MIA3: variants seen among roughly 807,000 people sequenced by gnomAD.
MIA3 encodes transport and Golgi organization protein 1 homolog.
In MIA3, 90 loss-of-function variants were observed where a neutral mutation model predicts 192.4. The observed-to-expected ratio is 0.47, with a 90% CI of 0.39 to 0.56. The LOEUF (loss-of-function observed/expected upper bound fraction) is 0.56, where lower values mean the gene tolerates loss of function less well. Ranked by LOEUF, MIA3 falls within the 20% of genes least tolerant of loss-of-function variation. The probability of loss-of-function intolerance (pLI) is 0.00; values close to 1 mark genes in which losing one functional copy is unlikely to be tolerated. For synonymous variants in MIA3, 740 were observed against 792.8 expected (o/e 0.93, Z 1.12); for missense variants, 2,123 against 2,269.4 (o/e 0.94, Z 1.31).
At position 222,628,839 on chromosome 1, in the gene MIA3, T is replaced by C; in HGVS notation, c.1619T>C (p.Leu540Pro). ...GAAIHISKGM[L>P]HEEKPGEQIL... is the part of the protein sequence containing the mutation. ...GCTATTCATATCTCAAAAGGAATGC[T>C]CCACGAAGAAAAGCCTGGAGAGCAG... Residue 540 changes from leucine (L) to proline (P), a missense_variant, in exon 4 of 28, where the codon CTC becomes CCC. Leu to Pro is a moderately conservative substitution (Grantham distance 98). Transcript: ENST00000344922. The C allele has an allele frequency of 1.9e-5, 31 of 1,614,090 alleles. No homozygotes were observed. The highest frequency in any genetic ancestry group is 2.6e-5 in the Non-Finnish European group (31 of 1,180,024).
At chr1:222,643,331 C>T (rs1194004271) in intron 6 of MIA3, among the ~76,000 whole-genome samples, 1 of 152,148 alleles carries the variant, frequency 6.6e-6, no homozygotes, top group Non-Finnish European at 1.5e-5. Flanking sequence ...ATTTCCAGTG[C>T]AGTTGGGTCT....
intron 6 of MIA3, among the ~76,000 whole-genome samples, chr1:222,633,930 AACCTCT>A (rs1662518713): frequency 6.7e-6 from 1 of 149,294 alleles, no homozygotes; most frequent in Non-Finnish European, 1.5e-5. Context: ...AGCTCACTGC[AACCTCT>A]GCCTCCTGGG....
intron 1 of MIA3, 93 bp from the exon 2 acceptor site, chr1:222,621,066 A>T: frequency 9.2e-7 from 1 of 1,092,630 alleles, no homozygotes; most frequent in Non-Finnish European, 1.3e-6. Flanking sequence ...TGTTGTTTAT[A>T]GTGGGATTCT....
intron 17 of MIA3, 53 bp from the exon 18 acceptor site, chr1:222,654,602 G>C: frequency 6.3e-7 from 1 of 1,596,346 alleles, no homozygotes; most frequent in South Asian, 1.1e-5. Context: ...CCCCAACCAA[G>C]TTCTCAAGTT....
At chr1:222,664,874 C>T (rs2936026) in intron 27 of MIA3, 439,760 of 461,184 alleles carry the variant, frequency 0.95, 209,961 homozygotes, top group Admixed American at 0.98. Context: ...ATCTATCTCT[C>T]TTTTTCAGAT....
chr1:222,660,552 TA>T, intron 24 of MIA3: 1 of 312,908 alleles, frequency 3.2e-6, no homozygotes, highest in South Asian at 5.1e-5. Flanking sequence ...CTCTGAAGTG[TA>T]AGCCCTTATC....
chr1:222,624,470 G>A (rs1271329340), intron 2 of MIA3, among the ~76,000 whole-genome samples: 1 of 152,112 alleles, frequency 6.6e-6, no homozygotes, highest in Non-Finnish European at 1.5e-5. Flanking sequence ...TCATTTCCAC[G>A]TGAGCAGTTC....
At chr1:222,650,954 T>C in intron 11 of MIA3, 51 bp downstream of exon 11, 1 of 1,092,868 alleles carries the variant, frequency 9.2e-7, no homozygotes, top group Non-Finnish European at 1.4e-6. Flanking sequence ...TTGAACTCTT[T>C]TGTAGATTGA....
chr1:222,659,571 G>A, intron 20 of MIA3, 51 bp from the exon 21 acceptor site: 1 of 1,609,670 alleles, frequency 6.2e-7, no homozygotes, highest in South Asian at 1.1e-5. Flanking sequence ...ACTAATAGAG[G>A]CTATTATAAT....
At chr1:222,622,712 G>GT (rs1661928628) in intron 2 of MIA3, among the ~76,000 whole-genome samples, 1 of 152,124 alleles carries the variant, frequency 6.6e-6, no homozygotes. Flanking sequence ...CCTAGGCTGC[G>GT]TTTTTTCATA....
chr1:222,644,473 A>T (rs748193526), intron 6 of MIA3: 13 of 1,550,452 alleles, frequency 8.4e-6, no homozygotes, highest in Admixed American at 2.0e-5. Flanking sequence ...GCTGTTCTAC[A>T]CAATGGACTC....
intron 6 of MIA3, among the ~76,000 whole-genome samples, chr1:222,635,265 C>T (rs1309306586): frequency 6.6e-6 from 1 of 152,148 alleles, no homozygotes; most frequent in Non-Finnish European, 1.5e-5. Flanking sequence ...AATTTAACAG[C>T]CCCAGTTGTA....
intron 6 of MIA3, among the ~76,000 whole-genome samples, chr1:222,643,399 A>C (rs956333559): frequency 6.6e-6 from 1 of 152,096 alleles, no homozygotes; most frequent in African/African-American, 2.4e-5. Flanking sequence ...CCAGTACCAT[A>C]CTGTTATTAC....
rs1331298099 is a variant in MIA3 at position 222,653,210 on chromosome 1, C to T, written c.4210-18C>T. 2.5e-6 allele frequency: 4 copies of T among 1,603,220 alleles called. No homozygotes were observed. The highest frequency in any genetic ancestry group is 3.4e-6 in the Non-Finnish European group (4 of 1,171,574). ...ATTAAATGGAAAGACTCTTAATGCC[C>T]TTTTACTTCTTTTCTAGGCTTTGAC... On this transcript the variant is annotated intron_variant, in intron 14 of 27. Transcript: ENST00000344922.
In MIA3 at chr1:222,654,487, G is replaced by C. The variant is rs1379603775; in HGVS notation, c.4468+8G>C. The C allele has an allele frequency of 1.2e-6, 2 of 1,606,758 alleles. No homozygotes were observed. The highest frequency in any genetic ancestry group is 1.7e-6 in the Non-Finnish European group (2 of 1,174,494). On this transcript the variant is annotated splice_region_variant and intron_variant, in intron 17 of 27. Coordinates refer to ENST00000344922, the MANE Select transcript of MIA3 (RefSeq NM_198551.4). ...CTAAATGTAACCTGGAAGGTAGGTTGCTTCTTGAGAAGAAATTGCTATATA... is the reference window on the plus strand; with the variant it reads ...CTAAATGTAACCTGGAAGGTAGGTTCCTTCTTGAGAAGAAATTGCTATATA...
intron 3 of MIA3, 23 bp from the exon 4 acceptor site, chr1:222,627,545 GACAGACT>G (rs1662175040): frequency 6.6e-7 from 1 of 1,521,164 alleles, no homozygotes. Context: ...CTTGGCTATT[GACAGACT>G]AATGTTTTTC....
intron 1 of MIA3, among the ~76,000 whole-genome samples, chr1:222,620,198 T>C (rs532357111): frequency 3.9e-5 from 6 of 152,322 alleles, no homozygotes; most frequent in Admixed American, 3.9e-4. Flanking sequence ...GCAAATTGGC[T>C]TTTGGAAAAA....
chr1:222,662,367 A>G, intron 26 of MIA3, 35 bp downstream of exon 26: 1 of 1,596,000 alleles, frequency 6.3e-7, no homozygotes, highest in Non-Finnish European at 8.6e-7. Flanking sequence ...TAGTTATTTC[A>G]GGAACATTTA....
chr1:222,621,809 G>GTTTT (rs148013914), intron 2 of MIA3, among the ~76,000 whole-genome samples: 2 of 97,148 alleles, frequency 2.1e-5, no homozygotes. Context: ...TTTCTTGTTT[G>GTTTT]TTTGTTTTTT....
Sources: gnomAD v4.1 joint callset for allele counts (sites outside exome capture counted in the v4.1 genomes callset) on GRCh38, gnomAD v4.1.1 for gene constraint, MANE v1.5 for transcripts, NCBI Gene and HGNC (gene_info 2026-07-23, HGNC 2026-07-21) for gene names.